The following FTO variants were observed in gnomAD, a reference collection of about 807,000 sequenced individuals.
The protein encoded by FTO is FTO alpha-ketoglutarate dependent dioxygenase, also known as alpha-ketoglutarate-dependent dioxygenase FTO.
A neutral mutation model predicts 63.9 loss-of-function variants in FTO; 47 were observed. The ratio of observed to expected loss-of-function variants is 0.74; its 90% CI spans 0.58 to 0.94. The LOEUF (loss-of-function observed/expected upper bound fraction) is 0.94, where lower values mean the gene tolerates loss of function less well. Ranked by LOEUF, FTO falls within the 40% of genes least tolerant of loss-of-function variation. The pLI is 0.00. For synonymous variants in FTO, 207 were observed against 224.4 expected, an observed-to-expected ratio of 0.92 and a Z score of 0.69; for missense variants, 562 against 618.1, an observed-to-expected ratio of 0.91 and a Z score of 0.96.
At chr16:53,804,632 CTTTT>C (rs10602540) in intron 1 of FTO, among the ~76,000 whole-genome samples, 4 of 130,152 alleles carry the variant, frequency 3.1e-5, no homozygotes, top group Non-Finnish European at 4.7e-5. Flanking sequence ...TCTTATTGAT[CTTTT>C]TTTTTTTTTT....
chr16:53,906,459 G>C (rs1285674129), intron 7 of FTO, among the ~76,000 whole-genome samples: 3 of 152,210 alleles, frequency 2.0e-5, no homozygotes, highest in African/African-American at 7.2e-5. Flanking sequence ...AGTGCCTGCT[G>C]TGTTTCCTTC....
intron 8 of FTO, among the ~76,000 whole-genome samples, chr16:54,033,040 C>G (rs528830458): frequency 6.6e-6 from 1 of 152,326 alleles, no homozygotes; most frequent in South Asian, 2.1e-4. Flanking sequence ...CCTGTCCAGC[C>G]TGCAGAACCA....
chr16:53,752,470 G>T (rs1363375784), intron 1 of FTO, among the ~76,000 whole-genome samples: 1 of 152,178 alleles, frequency 6.6e-6, no homozygotes, highest in Admixed American at 6.5e-5. Flanking sequence ...CGTAAGTAGG[G>T]TCAAAGGGGA....
chr16:53,883,965 C>T (rs2151898440), intron 6 of FTO, among the ~76,000 whole-genome samples: 1 of 152,288 alleles, frequency 6.6e-6, no homozygotes, highest in South Asian at 2.1e-4. Flanking sequence ...CAATGAAAGC[C>T]CACGTGTCTG....
chr16:53,942,904 G>A (rs1270121368), intron 8 of FTO, among the ~76,000 whole-genome samples: 3 of 152,198 alleles, frequency 2.0e-5, no homozygotes, highest in East Asian at 1.9e-4. Flanking sequence ...TCTGTAGTTC[G>A]GTAGCTGTCA....
At position 53,904,091 on chromosome 16, in the gene FTO, TATATAC is replaced by T. The variant is rs550544598; in HGVS notation, c.1239+15152_1239+15157del. ...ATCTATATTTACATATAGATATATG[TATATAC>T]ATATACATATATGTACATGTGTACA... On this transcript the variant is annotated intron_variant, in intron 7 of 8. Coordinates refer to ENST00000471389, the MANE Select transcript of FTO (RefSeq NM_001080432.3). Among the ~76,000 whole-genome samples, 29 of 152,092 alleles carry T rather than the reference TATATAC, an allele frequency of 1.9e-4. No homozygotes were observed. The East Asian group carries it at 2.9e-3, about 15-fold the overall frequency.
intron 8 of FTO, among the ~76,000 whole-genome samples, chr16:53,956,112 T>C (rs972980371): frequency 2.0e-5 from 3 of 152,348 alleles, no homozygotes; most frequent in African/African-American, 7.2e-5. Flanking sequence ...CCCCATGTTA[T>C]AGATGATGAA....
intron 3 of FTO, among the ~76,000 whole-genome samples, chr16:53,830,766 C>T (rs138817156): frequency 5.4e-4 from 82 of 152,152 alleles, no homozygotes; most frequent in African/African-American, 1.8e-3. Flanking sequence ...CATGGTGGTG[C>T]GCACCTGTAG....
At chr16:53,966,976 C>T (rs977035656) in intron 8 of FTO, among the ~76,000 whole-genome samples, 1 of 152,086 alleles carries the variant, frequency 6.6e-6, no homozygotes, top group Non-Finnish European at 1.5e-5. Flanking sequence ...GCTTAACAAT[C>T]GTTAATCTAC....
At chr16:54,084,579 G>T (rs1189033863) in intron 8 of FTO, among the ~76,000 whole-genome samples, 2 of 152,148 alleles carry the variant, frequency 1.3e-5, no homozygotes, top group Admixed American at 1.3e-4. Context: ...ATGAAATCTT[G>T]TTGCTTCCTG....
At chr16:54,022,105 C>T (rs919594564) in intron 8 of FTO, among the ~76,000 whole-genome samples, 2 of 152,086 alleles carry the variant, frequency 1.3e-5, no homozygotes, top group East Asian at 1.9e-4. Flanking sequence ...CATCACTTCA[C>T]CTGAGTTTTC....
intron 7 of FTO, among the ~76,000 whole-genome samples, chr16:53,906,876 C>A (rs2081551848): frequency 6.6e-6 from 1 of 152,158 alleles, no homozygotes; most frequent in Non-Finnish European, 1.5e-5. Context: ...AGGAATCCTT[C>A]TTGAAACTTC....
At chr16:54,099,535 T>C (rs1417944179) in intron 8 of FTO, among the ~76,000 whole-genome samples, 1 of 152,166 alleles carries the variant, frequency 6.6e-6, no homozygotes, top group Non-Finnish European at 1.5e-5. Context: ...TTTGGGCAGG[T>C]AGAAGTCATG....
chr16:53,820,537 G>C (rs1239184801), intron 2 of FTO, among the ~76,000 whole-genome samples: 1 of 151,094 alleles, frequency 6.6e-6, no homozygotes, highest in East Asian at 1.9e-4. Flanking sequence ...GTGCAGGTTA[G>C]TTACATATGT....
intron 8 of FTO, among the ~76,000 whole-genome samples, chr16:53,983,154 A>G (rs745816460): frequency 1.3e-5 from 2 of 152,182 alleles, no homozygotes; most frequent in African/African-American, 2.4e-5. Flanking sequence ...TATAAAAAAT[A>G]TATCATGAAG....
chr16:53,856,166 G>A (rs55770507), intron 4 of FTO, among the ~76,000 whole-genome samples: 2,327 of 152,178 alleles, frequency 0.015, 43 homozygotes, highest in Non-Finnish European at 0.027. Context: ...AAAGACAGTG[G>A]AAGAATGACT....
At chr16:53,934,233 A>G (rs111391356) in intron 8 of FTO, 124 bp downstream of exon 8, 33,982 of 1,022,350 alleles carry the variant, frequency 0.033, 744 homozygotes, top group Non-Finnish European at 0.04. Flanking sequence ...AAGCACGTTT[A>G]AGATGCTTTC....
chr16:53,879,852 A>G lies in FTO; in HGVS notation c.984A>G (p.Thr328=), dbSNP rs772473287. 5 of 1,613,938 alleles carry G rather than the reference A, an allele frequency of 3.1e-6. No individual in the cohort carries two copies. The highest frequency in any genetic ancestry group is 4.2e-6 in the Non-Finnish European group (5 of 1,179,952). The change falls in exon 6 of 9, where the codon ACA becomes ACG. Residue 328 remains threonine (T), a synonymous_variant. Transcript: ENST00000471389. ...TGGTTCTGTCTCAACAGTGCTCAACAGGAACCTTGGATTATATTTTACAAC... is the reference window on the plus strand; with the variant it reads ...TGGTTCTGTCTCAACAGTGCTCAACGGGAACCTTGGATTATATTTTACAAC... ...SSTHRVAECS[T]GTLDYILQRC... is the part of the protein sequence containing the mutation.
intron 1 of FTO, among the ~76,000 whole-genome samples, chr16:53,765,252 A>G (rs2077171684): frequency 6.6e-6 from 1 of 152,022 alleles, no homozygotes; most frequent in Non-Finnish European, 1.5e-5. Flanking sequence ...TAGAGGAAGA[A>G]TGCTAGTAAA....
Sources: gnomAD v4.1 joint callset for allele counts (sites outside exome capture counted in the v4.1 genomes callset) on GRCh38, gnomAD v4.1.1 for gene constraint, MANE v1.5 for transcripts, NCBI Gene and HGNC (gene_info 2026-07-23, HGNC 2026-07-21) for gene names.